Variants in RXRA observed in about 807,000 individuals in gnomAD.
RXRA encodes the protein retinoid X receptor alpha.
RXRA carries 5 observed loss-of-function variants against 44.5 expected under a neutral mutation model. The ratio of observed to expected loss-of-function variants is 0.11; its 90% CI spans 0.06 to 0.24. RXRA has a LOEUF of 0.24. Ranked by LOEUF, RXRA falls within the 10% of genes least tolerant of loss-of-function variation. RXRA has a pLI of 1.00. For missense variants in RXRA, 412 were observed against 646.5 expected, an observed-to-expected ratio of 0.64 and a Z score of 3.93; for synonymous variants, 291 against 271.4, an observed-to-expected ratio of 1.07 and a Z score of -0.71.
At chr9:134,344,659 G>C (rs1173837382) in intron 1 of RXRA, among the ~76,000 whole-genome samples, 3 of 152,130 alleles carry the variant, frequency 2.0e-5, no homozygotes, top group Non-Finnish European at 4.4e-5. Context: ...AGCGCCCTCT[G>C]TGGCTCCCCA....
chr9:134,362,387 G>A (rs774229940), intron 1 of RXRA, among the ~76,000 whole-genome samples: 16 of 152,184 alleles, frequency 1.1e-4, no homozygotes, highest in Admixed American at 1.3e-4. Flanking sequence ...CGCCTCGCTG[G>A]GTGCCCCTGC....
intron 1 of RXRA, among the ~76,000 whole-genome samples, chr9:134,369,617 C>A (rs116624495): frequency 6.6e-6 from 1 of 151,940 alleles, no homozygotes; most frequent in South Asian, 2.1e-4. Flanking sequence ...CACACCCCCA[C>A]CTTTGTGTCC....
rs377280570 is a variant in RXRA at position 134,331,613 on chromosome 9, C to A, written c.28+4954C>A. 6.6e-5 allele frequency among the ~76,000 whole-genome samples: 10 copies of A among 152,230 alleles called. No individual in the cohort carries two copies. In the East Asian group the frequency reaches 1.5e-3, roughly 23 times the overall value. On this transcript the variant is annotated intron_variant, in intron 1 of 9. Transcript: ENST00000481739. ...CAACTTGTCCAGGACTCACCCTACC[C>A]CCACGAAGGTGCCGATGGCTGCAGC...
Position 134,436,710 on chromosome 9 carries a change from G to C in RXRA, c.*96G>C. On this transcript the variant is annotated 3_prime_UTR_variant, in exon 10 of 10. Coordinates refer to ENST00000481739, the MANE Select transcript of RXRA (RefSeq NM_002957.6). ...CTGAGCCCTGTCCCTGCCCTTCTCT[G>C]CCTGGCCTGTTTGGACTTTGGGGCA... The C allele has an allele frequency of 6.9e-7, 1 of 1,459,470 alleles. No individual in the cohort carries two copies. Among genetic ancestry groups the C allele is most frequent in the South Asian group, 1.2e-5 (1 of 80,594 alleles). The allele number at this position is 1,459,470 out of a possible 1,614,324, so 90.4% of individuals were successfully genotyped here.
In RXRA at chr9:134,326,485, ACTCGCCGCGCCGCGGCCTCCG is replaced by A. The variant is rs1834910410; in HGVS notation, c.-145_-125del. On this transcript the variant is annotated 5_prime_UTR_variant, in exon 1 of 10. Coordinates refer to ENST00000481739, the MANE Select transcript of RXRA (RefSeq NM_002957.6). ...ACATTGTTGGGCGACTTTTGCAACA[ACTCGCCGCGCCGCGGCCTCCG>A]CGCGCCGCCGCCGCCACCGCAGCCG... The A allele has an allele frequency of 7.8e-6, 1 of 128,918 alleles. No individual in the cohort carries two copies. Among genetic ancestry groups the A allele is most frequent in the Non-Finnish European group, 1.7e-5 (1 of 60,542 alleles). The allele number at this position is 128,918 out of a possible 1,614,324, so 8.0% of individuals were successfully genotyped here. A position where few individuals can be genotyped will look rare whatever the true frequency, so the allele number is the denominator to read the frequency against.
chr9:134,341,348 C>T (rs1166083279), intron 1 of RXRA, among the ~76,000 whole-genome samples: 4 of 152,276 alleles, frequency 2.6e-5, no homozygotes, highest in Middle Eastern at 3.4e-3. Context: ...GCCTGGGGTT[C>T]TGGCGTGTGG....
intron 1 of RXRA, among the ~76,000 whole-genome samples, chr9:134,381,797 C>G (rs1425010223): frequency 6.6e-6 from 1 of 152,128 alleles, no homozygotes; most frequent in Admixed American, 6.5e-5. Flanking sequence ...CCCGACCTCC[C>G]CGGGGTGCCC....
intron 1 of RXRA, among the ~76,000 whole-genome samples, chr9:134,358,772 T>G (rs1659048866): frequency 6.6e-6 from 1 of 151,890 alleles, no homozygotes; most frequent in South Asian, 2.1e-4. Context: ...GGGGTCTCAA[T>G]GGGGTGTGCT....
Position 134,349,396 on chromosome 9 carries a change from G to A in RXRA, c.28+22737G>A, listed in dbSNP as rs1830193967. Among the ~76,000 whole-genome samples the A allele has an allele frequency of 1.3e-5, 2 of 152,172 alleles. No homozygotes were observed. Among genetic ancestry groups the A allele is most frequent in the South Asian group, 2.1e-4 (1 of 4,828 alleles). On this transcript the variant is annotated intron_variant, in intron 1 of 9. Coordinates refer to ENST00000481739, the MANE Select transcript of RXRA (RefSeq NM_002957.6). This position sits in a 1 kb window ranked among gnomAD's most constrained non-coding sequence, Gnocchi z 4.3. ...TGGCAGGGAGGGAAGGCCTCTCCAC[G>A]GGGAGCAGGAGGGAGGAGAGGGACA...
At chr9:134,394,989 G>C (rs2119129302) in intron 1 of RXRA, among the ~76,000 whole-genome samples, 1 of 152,340 alleles carries the variant, frequency 6.6e-6, no homozygotes, top group East Asian at 1.9e-4. Flanking sequence ...CAGAGTCCTT[G>C]AGGGTCTCTT....
rs35737585 is a variant in RXRA at position 134,427,407 on chromosome 9, C to T, written c.911-1701C>T. Among the ~76,000 whole-genome samples, 681 of 152,264 alleles carry T rather than the reference C, an allele frequency of 4.5e-3. 10 individuals carry two copies. Among genetic ancestry groups the T allele is most frequent in the African/African-American group, 0.015 (614 of 41,570 alleles). On this transcript the variant is annotated intron_variant, in intron 6 of 9. Transcript: ENST00000481739. ...ATGACAGGCGGGGAGGTGCCAGTCC[C>T]GAGTCTGTGACGGTATTTCCAGCCC...
intron 2 of RXRA, among the ~76,000 whole-genome samples, chr9:134,406,556 C>T (rs1354049151): frequency 6.6e-6 from 1 of 152,222 alleles, no homozygotes; most frequent in Non-Finnish European, 1.5e-5. Flanking sequence ...CCTCTGGGGC[C>T]TCCAGTGCCT....
chr9:134,338,415 C>T (rs534793726), intron 1 of RXRA, among the ~76,000 whole-genome samples: 10 of 152,232 alleles, frequency 6.6e-5, no homozygotes, highest in South Asian at 2.1e-4. Flanking sequence ...CCCAGATTGA[C>T]GGGCCTCCAG....
chr9:134,393,794 C>T (rs542512337), intron 1 of RXRA, among the ~76,000 whole-genome samples: 3 of 152,288 alleles, frequency 2.0e-5, no homozygotes, highest in Admixed American at 1.3e-4. Context: ...GCACCCTCTT[C>T]CTCCTGTGTG....
At chr9:134,416,231 A>G (rs994486554) in intron 4 of RXRA, among the ~76,000 whole-genome samples, 3 of 152,280 alleles carry the variant, frequency 2.0e-5, no homozygotes, top group South Asian at 4.1e-4. Flanking sequence ...ACAGTCGAGG[A>G]AGGCAAATCC....
intron 1 of RXRA, among the ~76,000 whole-genome samples, chr9:134,368,914 T>G (rs1157473632): frequency 8.3e-6 from 1 of 120,442 alleles, no homozygotes; most frequent in Non-Finnish European, 1.7e-5. Flanking sequence ...GTGGGGGTTG[T>G]GTGTGTGTGT....
In RXRA at chr9:134,433,369, A is replaced by G. The variant is rs1354301188; in HGVS notation, c.1136-733A>G. Among the ~76,000 whole-genome samples, 1 of 151,966 alleles carries G rather than the reference A, an allele frequency of 6.6e-6. No individual in the cohort carries two copies. The highest frequency in any genetic ancestry group is 1.5e-5 in the Non-Finnish European group (1 of 67,972). On this transcript the variant is annotated intron_variant, in intron 8 of 9. Transcript: ENST00000481739. The surrounding 1 kb of genome is among the most constrained non-coding windows in gnomAD (Gnocchi z 4.2). ...TCTGGCACAAGCAGGGTCCAGGCACAGGCTTGCAGGGAAAGCGAAGAGACC... is the reference window on the plus strand; with the variant it reads ...TCTGGCACAAGCAGGGTCCAGGCACGGGCTTGCAGGGAAAGCGAAGAGACC...
chr9:134,336,650 G>A (rs1830011394), intron 1 of RXRA, among the ~76,000 whole-genome samples: 1 of 152,162 alleles, frequency 6.6e-6, no homozygotes, highest in Non-Finnish European at 1.5e-5. Context: ...CTGGCTCCAG[G>A]CACCCCCTCT....
At chr9:134,355,533 G>T (rs556937682) in intron 1 of RXRA, among the ~76,000 whole-genome samples, 2 of 152,226 alleles carry the variant, frequency 1.3e-5, no homozygotes, top group South Asian at 4.1e-4. Flanking sequence ...TTCTCAGGGT[G>T]GGTTGGGAGG....
Sources: allele counts gnomAD v4.1 joint callset (sites outside exome capture counted in the v4.1 genomes callset), GRCh38; gene constraint gnomAD v4.1.1; non-coding constraint Gnocchi (gnomAD v3.1); transcripts MANE v1.5; gene names NCBI Gene and HGNC (gene_info 2026-07-23, HGNC 2026-07-21).